DSE: variants seen among roughly 807,000 people sequenced by gnomAD.
DSE encodes dermatan sulfate epimerase, also known as dermatan-sulfate epimerase.
Under a neutral mutation model 84.4 loss-of-function variants are expected in DSE, and 36 were observed. That is an observed-to-expected ratio of 0.43 (90% CI 0.33 to 0.56). The LOEUF is 0.56. Ranked by LOEUF, DSE falls within the 20% of genes least tolerant of loss-of-function variation. The pLI, the probability that DSE is intolerant of heterozygous loss-of-function variation, is 0.06. For missense variants in DSE, 862 were observed against 1,169.6 expected (o/e 0.74, Z 3.84); for synonymous variants, 410 against 430.1 (o/e 0.95, Z 0.58).
chr6:116,333,464 G>T (rs572200608), intron 2 of DSE, among the ~76,000 whole-genome samples: 1 of 152,182 alleles, frequency 6.6e-6, no homozygotes, highest in Non-Finnish European at 1.5e-5. Flanking sequence ...CATGAAGAAA[G>T]TGCCCCCATG....
At chr6:116,375,327 T>A (rs1779859495) in intron 1 of DSE, among the ~76,000 whole-genome samples, 1 of 151,740 alleles carries the variant, frequency 6.6e-6, no homozygotes, top group Non-Finnish European at 1.5e-5. Flanking sequence ...ATTAAACTGT[T>A]CATTAATTGG....
At position 116,394,433 on chromosome 6, in the gene DSE, G is replaced by C. The variant is rs535914792; in HGVS notation, c.-53-4765G>C. ...TGCTATCTGAATTATAGCAGTAACA[G>C]CGTGATTTTTTTTTTTTTTAAAGAC... is the stretch of plus-strand genomic sequence containing the variant. On this transcript the variant is annotated intron_variant, in intron 1 of 5. Transcript: ENST00000644252. 2.4e-4 allele frequency among the ~76,000 whole-genome samples: 34 copies of C among 141,920 alleles called. No individual in the cohort carries two copies. The South Asian group carries it at 6.1e-3, about 26-fold the overall frequency. 93.1% of individuals were successfully genotyped at this position (141,920 alleles called of 152,430 possible).
intron 2 of DSE, among the ~76,000 whole-genome samples, chr6:116,282,720 T>C (rs1158766798): frequency 6.6e-6 from 1 of 152,218 alleles, no homozygotes; most frequent in African/African-American, 2.4e-5. Flanking sequence ...TAACTATTCC[T>C]TGTAGGTGAT....
At chr6:116,371,732 C>T (rs1018643941) in intron 1 of DSE, among the ~76,000 whole-genome samples, 1 of 152,208 alleles carries the variant, frequency 6.6e-6, no homozygotes, top group Non-Finnish European at 1.5e-5. Flanking sequence ...ACCTCATCCC[C>T]GAGGCAGTCC....
chr6:116,297,341 G>A (rs749592008), intron 2 of DSE, among the ~76,000 whole-genome samples: 20 of 152,182 alleles, frequency 1.3e-4, no homozygotes, highest in South Asian at 8.3e-4. Flanking sequence ...AGGTCCCAGC[G>A]GGCCCCCATC....
intron 1 of DSE, among the ~76,000 whole-genome samples, chr6:116,391,848 A>G (rs1435643193): frequency 1.3e-5 from 2 of 151,900 alleles, no homozygotes; most frequent in African/African-American, 2.4e-5. Flanking sequence ...ATCAGGGAGT[A>G]TAATTTTAGG....
At position 116,439,028 on chromosome 6, in the gene DSE, C is replaced by CGGAA. The variant is rs1784339421; in HGVS notation, c.*1684_*1685insGAAG. The CGGAA allele has an allele frequency of 6.6e-6, 1 of 152,108 alleles. No individual in the cohort carries two copies. Among genetic ancestry groups the CGGAA allele is most frequent in the Non-Finnish European group, 1.5e-5 (1 of 68,006 alleles). The allele number at this position is 152,108 out of a possible 1,614,324, so 9.4% of individuals were successfully genotyped here. A position where few individuals can be genotyped will look rare whatever the true frequency, so the allele number is the denominator to read the frequency against. On this transcript the variant is annotated 3_prime_UTR_variant, in exon 6 of 6. Transcript: ENST00000644252. ...AATGTTTTCAAAAGAATAATGCTTC[C>CGGAA]GTTTGTCCTGCATGGATGCTCTTAC... is the stretch of plus-strand genomic sequence containing the variant.
At position 116,426,801 on chromosome 6, in the gene DSE, C is replaced by T. The variant is rs112379267; in HGVS notation, c.644C>T (p.Thr215Met). 1.4e-5 allele frequency: 23 copies of T among 1,613,802 alleles called. 1 individual carries two copies. The highest frequency in any genetic ancestry group is 9.3e-5 in the African/African-American group (7 of 74,914). The change falls in exon 3 of 6, where the codon ACG becomes ATG. Residue 215 changes from threonine (T) to methionine (M), a missense_variant. Coordinates refer to ENST00000644252, the MANE Select transcript of DSE (RefSeq NM_013352.4). ...CCCACCAACTGTATGGCTTTGCTCA[C>T]GGGAAGCCTAGTCCTGATGAATCAA... ...HQPTNCMALLTGSLVLMNQGY... is the reference protein window; with the variant it reads ...HQPTNCMALLMGSLVLMNQGY...
intron 2 of DSE, among the ~76,000 whole-genome samples, chr6:116,261,103 C>G (rs1294319073): frequency 6.6e-6 from 1 of 152,070 alleles, no homozygotes; most frequent in African/African-American, 2.4e-5. Flanking sequence ...ATTGATTCTT[C>G]CTGTTCATGA....
At chr6:116,371,965 AC>A (rs1308960741) in intron 1 of DSE, among the ~76,000 whole-genome samples, 11 of 152,232 alleles carry the variant, frequency 7.2e-5, no homozygotes, top group Admixed American at 2.6e-4. Context: ...AACCTCACTT[AC>A]CTGAAATTCT....
intron 2 of DSE, among the ~76,000 whole-genome samples, chr6:116,350,504 G>A (rs1167472055): frequency 3.9e-5 from 6 of 152,080 alleles, no homozygotes; most frequent in Non-Finnish European, 7.4e-5. Flanking sequence ...GCAGGGTCAT[G>A]AGCTTCTACC....
At chr6:116,258,639 A>G in exon 2 of DSE, 1 of 1,612,166 alleles carries the variant, frequency 6.2e-7, no homozygotes, top group Non-Finnish European at 8.5e-7. Context: ...AGGCAGCCTC[A>G]CGAGCACCTG....
At chr6:116,427,294 C>A (rs1449202484) in intron 3 of DSE, among the ~76,000 whole-genome samples, 1 of 152,138 alleles carries the variant, frequency 6.6e-6, no homozygotes, top group Admixed American at 6.5e-5. Context: ...AAATTGGAAG[C>A]AATTTTTGTG....
rs945930237 is a variant in DSE, at chr6:116,399,305, T to A, written c.55T>A (p.Phe19Ile). The A allele has an allele frequency of 6.8e-6, 11 of 1,614,112 alleles. No individual in the cohort carries two copies. Among genetic ancestry groups the A allele is most frequent in the Non-Finnish European group, 9.3e-6 (11 of 1,180,038 alleles). ...PSVFFIYLLC[F>I]VSAYITDENP... ...TGTGTTTTTCATATATTTGCTTTGC[T>A]TTGTGTCAGCCTACATCACCGACGA... The change falls in exon 2 of 6, where the codon TTT becomes ATT. Residue 19 changes from phenylalanine (F) to isoleucine (I), a missense_variant. Phe to Ile is a conservative substitution (Grantham distance 21). This residue lies in a region of DSE where 52 missense variants were observed against 49.6 expected (regional missense o/e 1.05). Coordinates refer to ENST00000644252, the MANE Select transcript of DSE (RefSeq NM_013352.4).
chr6:116,324,992 G>A (rs1357464468), intron 2 of DSE, among the ~76,000 whole-genome samples: 1 of 152,200 alleles, frequency 6.6e-6, no homozygotes, highest in East Asian at 1.9e-4. Context: ...ATTAGCTAGG[G>A]ACACATACCA....
At chr6:116,316,548 T>C (rs1024130896) in intron 2 of DSE, among the ~76,000 whole-genome samples, 7 of 151,918 alleles carry the variant, frequency 4.6e-5, no homozygotes, top group African/African-American at 1.7e-4. Flanking sequence ...TTTCAATTAA[T>C]GAACCACATT....
intron 2 of DSE, among the ~76,000 whole-genome samples, chr6:116,287,761 A>G (rs1438640239): frequency 6.6e-6 from 1 of 152,186 alleles, no homozygotes; most frequent in Non-Finnish European, 1.5e-5. Flanking sequence ...CATTTTTTGT[A>G]ATTACTAAAA....
intron 2 of DSE, among the ~76,000 whole-genome samples, chr6:116,287,924 G>C (rs1215975581): frequency 6.6e-6 from 1 of 152,074 alleles, no homozygotes; most frequent in Non-Finnish European, 1.5e-5. Flanking sequence ...GTCTCTGATG[G>C]AAGAACTATG....
At chr6:116,316,519 C>T (rs1005182224) in intron 2 of DSE, among the ~76,000 whole-genome samples, 8 of 151,886 alleles carry the variant, frequency 5.3e-5, no homozygotes, top group Non-Finnish European at 7.4e-5. Context: ...GGGACTGGAC[C>T]TTGGGAGCTA....
Sources: gnomAD v4.1 joint callset for allele counts (sites outside exome capture counted in the v4.1 genomes callset) on GRCh38, gnomAD v4.1.1 for gene constraint, gnomAD v4.1.1 regional missense constraint, MANE v1.5 for transcripts, NCBI Gene and HGNC (gene_info 2026-07-23, HGNC 2026-07-21) for gene names.